Variants in OTUB2 observed in about 807,000 individuals in gnomAD.
OTUB2 encodes OTU deubiquitinase, ubiquitin aldehyde binding 2.
In OTUB2, 21 loss-of-function variants were observed where a neutral mutation model predicts 25.1. The observed-to-expected ratio is 0.84, with a 90% CI of 0.59 to 1.21. The LOEUF (loss-of-function observed/expected upper bound fraction) is 1.21. Ranked by LOEUF, OTUB2 falls within the 50% of genes most tolerant of loss-of-function variation. OTUB2 has a pLI of 0.00. For synonymous variants in OTUB2, 122 were observed against 122.8 expected, an observed-to-expected ratio of 0.99 and a Z score of 0.04; for missense variants, 283 against 298.0, an observed-to-expected ratio of 0.95 and a Z score of 0.37.
chr14:94,037,571 C>CT (rs1223768701), intron 2 of OTUB2, 96 bp downstream of exon 2: 2 of 743,772 alleles, frequency 2.7e-6, no homozygotes, highest in African/African-American at 3.7e-5. Context: ...TAGTTTGGGC[C>CT]AGGTTCCTGG....
intron 4 of OTUB2, 61 bp from the exon 5 acceptor site, chr14:94,044,525 G>A: frequency 1.3e-6 from 2 of 1,524,110 alleles, no homozygotes; most frequent in Non-Finnish European, 1.8e-6. Flanking sequence ...AGCGGAGGGA[G>A]AATGCAGAGG....
At position 94,039,003 on chromosome 14, in the gene OTUB2, G is replaced by A. The variant is rs1203921621; in HGVS notation, c.140G>A (p.Gly47Glu). ...KRFTAIRKTKGDGNCFYRALG... is the reference protein window; with the variant it reads ...KRFTAIRKTKEDGNCFYRALG... ...TTCACCGCCATCCGCAAGACCAAAG[G>A]GGATGGGAACTGCTTCTACAGGGCC... The change falls in exon 3 of 6, where the codon GGG becomes GAG. Residue 47 changes from glycine (G) to glutamate (E), a missense_variant. Transcript: ENST00000203664. 5 of 1,614,204 alleles carry A rather than the reference G, an allele frequency of 3.1e-6. No homozygotes were observed. In the South Asian group the frequency reaches 3.3e-5, roughly 11 times the overall value.
At chr14:94,039,954 G>T (rs538703941) in intron 3 of OTUB2, among the ~76,000 whole-genome samples, 2 of 152,134 alleles carry the variant, frequency 1.3e-5, no homozygotes, top group African/African-American at 4.8e-5. Flanking sequence ...CATGACTGAC[G>T]TTTTGGGCCA....
chr14:94,039,009 G>A lies in OTUB2; in HGVS notation c.146G>A (p.Gly49Glu), dbSNP rs770805409. The change falls in exon 3 of 6, where the codon GGG becomes GAG. Residue 49 changes from glycine (G) to glutamate (E), a missense_variant. By Grantham distance (98) the Gly-to-Glu change is moderately conservative. Coordinates refer to ENST00000203664, the MANE Select transcript of OTUB2 (RefSeq NM_023112.4). ...FTAIRKTKGD[G>E]NCFYRALGYS... is the part of the protein sequence containing the mutation. The stretch of plus-strand genomic sequence containing the variant: ...GCCATCCGCAAGACCAAAGGGGATG[G>A]GAACTGCTTCTACAGGGCCTTGGGC... 16 of 1,614,130 alleles carry A rather than the reference G, an allele frequency of 9.9e-6. No homozygotes were observed. The highest frequency in any genetic ancestry group is 1.3e-5 in the African/African-American group (1 of 74,940).
chr14:94,041,234 A>T (rs1885155698), intron 3 of OTUB2, among the ~76,000 whole-genome samples: 1 of 152,206 alleles, frequency 6.6e-6, no homozygotes, highest in Non-Finnish European at 1.5e-5. Flanking sequence ...GAGAGTTAGC[A>T]GGATGGAGAA....
chr14:94,026,580 G>T, intron 1 of OTUB2, 40 bp downstream of exon 1: 2 of 1,231,528 alleles, frequency 1.6e-6, no homozygotes, highest in Non-Finnish European at 1.0e-6. Flanking sequence ...GAGCGGGCAG[G>T]GGGCGCGGTG....
Position 94,033,719 on chromosome 14 carries a change from G to A in OTUB2, c.4-3661G>A, listed in dbSNP as rs1188002572. ...AGTCAGAGGGTGCGTGAGTGGGAACGAATTGGGCAGAGCAGGTGCGCTTGT... is the reference window on the plus strand; with the variant it reads ...AGTCAGAGGGTGCGTGAGTGGGAACAAATTGGGCAGAGCAGGTGCGCTTGT... On this transcript the variant is annotated intron_variant, in intron 1 of 5. Transcript: ENST00000203664. Among the ~76,000 whole-genome samples the A allele has an allele frequency of 2.0e-5, 3 of 152,196 alleles. No homozygotes were observed. In the East Asian group the frequency reaches 5.8e-4, roughly 29 times the overall value.
chr14:94,029,834 G>A (rs928933838), intron 1 of OTUB2, among the ~76,000 whole-genome samples: 6 of 152,344 alleles, frequency 3.9e-5, no homozygotes, highest in Middle Eastern at 3.4e-3. Flanking sequence ...GGCAGCATGC[G>A]GGTAAACAGG....
At chr14:94,033,678 C>T (rs778426791) in intron 1 of OTUB2, among the ~76,000 whole-genome samples, 1 of 152,172 alleles carries the variant, frequency 6.6e-6, no homozygotes, top group South Asian at 2.1e-4. Flanking sequence ...AGATAAATAA[C>T]GGGACTTTGG....
intron 2 of OTUB2, among the ~76,000 whole-genome samples, chr14:94,038,214 G>C (rs913568115): frequency 3.9e-5 from 6 of 152,380 alleles, no homozygotes; most frequent in African/African-American, 1.4e-4. Context: ...AGGGGTAGTG[G>C]TGTGGGCATC....
chr14:94,039,326 C>T, intron 3 of OTUB2: 1 of 566,236 alleles, frequency 1.8e-6, no homozygotes, highest in Non-Finnish European at 3.1e-6. Flanking sequence ...GCTTCCACCA[C>T]AGGCCTGGGT....
chr14:94,046,184 T>C lies in OTUB2; in HGVS notation c.*262T>C. ...CCCCAGTTCGCAGTGAGGCCCTGGG[T>C]GGGTCACCTGCCCTCTCTGGACTTG... On this transcript the variant is annotated 3_prime_UTR_variant, in exon 6 of 6. Transcript: ENST00000203664. The C allele has an allele frequency of 1.8e-6, 1 of 563,490 alleles. No individual in the cohort carries two copies. The highest frequency in any genetic ancestry group is 3.2e-6 in the Non-Finnish European group (1 of 315,276). 34.9% of individuals were successfully genotyped at this position (563,490 alleles called of 1,614,324 possible). A position where few individuals can be genotyped will look rare whatever the true frequency, so the allele number is the denominator to read the frequency against.
chr14:94,032,975 G>A (rs944139688), intron 1 of OTUB2, among the ~76,000 whole-genome samples: 2 of 152,186 alleles, frequency 1.3e-5, no homozygotes, highest in African/African-American at 2.4e-5. Flanking sequence ...GCAGTGGTGC[G>A]GTCACGGCTC....
Position 94,038,990 on chromosome 14 carries a change from C to A in OTUB2, c.127C>A (p.Arg43Ser), listed in dbSNP as rs746188935. 1.1e-5 allele frequency: 18 copies of A among 1,614,094 alleles called. No individual in the cohort carries two copies. The African/African-American group carries it at 1.9e-4, about 17-fold the overall frequency. The stretch of plus-strand genomic sequence containing the variant: ...ACTCAGCAAAAGGTTCACCGCCATC[C>A]GCAAGACCAAAGGGGATGGGAACTG... ...EELSKRFTAI[R>S]KTKGDGNCFY... Residue 43 changes from arginine to serine, a missense_variant, in exon 3 of 6, where the codon CGC becomes AGC. By Grantham distance (110) the Arg-to-Ser change is moderately radical. Coordinates refer to ENST00000203664, the MANE Select transcript of OTUB2 (RefSeq NM_023112.4).
At chr14:94,039,140 AAGTCTCT>A in intron 3 of OTUB2, 59 bp downstream of exon 3, 1 of 1,348,052 alleles carries the variant, frequency 7.4e-7, no homozygotes, top group South Asian at 1.2e-5. Flanking sequence ...GGTCAGCCTC[AAGTCTCT>A]CGGAGGTTTT....
rs1885282692 is a variant in OTUB2, at chr14:94,046,619, A to G, written c.*697A>G. On this transcript the variant is annotated 3_prime_UTR_variant, in exon 6 of 6. Transcript: ENST00000203664. ...GCTAGAACTGCCTGACTCTTGGTGG[A>G]CGAGCCCTTCAGGGTTCTGCTTTCA... The G allele has an allele frequency of 6.6e-6, 1 of 152,574 alleles. No homozygotes were observed. The highest frequency in any genetic ancestry group is 1.5e-5 in the Non-Finnish European group (1 of 68,132). The allele number at this position is 152,574 out of a possible 1,614,324, so 9.5% of individuals were successfully genotyped here.
At chr14:94,037,285 T>G (rs769075590) in intron 1 of OTUB2, 95 bp from the exon 2 acceptor site, 15 of 764,574 alleles carry the variant, frequency 2.0e-5, no homozygotes, top group Non-Finnish European at 3.3e-5. Flanking sequence ...CATTCATTGT[T>G]GTCTGTAACC....
chr14:94,040,974 G>T (rs1885150004), intron 3 of OTUB2, among the ~76,000 whole-genome samples: 1 of 152,186 alleles, frequency 6.6e-6, no homozygotes, highest in African/African-American at 2.4e-5. Flanking sequence ...AGCCACCGAG[G>T]GATTGCGCAG....
chr14:94,034,788 T>C (rs1166648958), intron 1 of OTUB2, among the ~76,000 whole-genome samples: 2 of 151,846 alleles, frequency 1.3e-5, no homozygotes, highest in African/African-American at 2.4e-5. Context: ...TGGGAAGGAG[T>C]AGAACGTTCC....
Sources: gnomAD v4.1 joint callset for allele counts (sites outside exome capture counted in the v4.1 genomes callset) on GRCh38, gnomAD v4.1.1 for gene constraint, MANE v1.5 for transcripts, NCBI Gene and HGNC (gene_info 2026-07-23, HGNC 2026-07-21) for gene names.